Variants in GSE1 observed in about 807,000 individuals in gnomAD.
The protein encoded by GSE1 is genetic suppressor element 1.
In GSE1, 32 loss-of-function variants were observed where a neutral mutation model predicts 112.6. The ratio of observed to expected loss-of-function variants is 0.28; its 90% CI spans 0.21 to 0.38. GSE1 has a LOEUF of 0.38. Ranked by LOEUF, GSE1 falls within the 10% of genes least tolerant of loss-of-function variation. GSE1 has a pLI of 1.00. For missense variants in GSE1, 2,348 were observed against 1,699.2 expected, an observed-to-expected ratio of 1.38 and a Z score of -6.71; for synonymous variants, 1,115 against 735.6, an observed-to-expected ratio of 1.52 and a Z score of -8.35.
intron 1 of GSE1, among the ~76,000 whole-genome samples, chr16:85,326,914 A>G (rs2046238602): frequency 6.6e-6 from 1 of 152,224 alleles, no homozygotes; most frequent in African/African-American, 2.4e-5. Context: ...CCCCAAACTT[A>G]GCAGCATAAA....
chr16:85,301,309 C>G (rs1252780774), intron 1 of GSE1, among the ~76,000 whole-genome samples: 1 of 152,238 alleles, frequency 6.6e-6, no homozygotes, highest in Non-Finnish European at 1.5e-5. Flanking sequence ...GCAGGAGCTG[C>G]CTTCACTGGG....
At chr16:85,307,826 C>T (rs534030514) in intron 1 of GSE1, among the ~76,000 whole-genome samples, 5 of 152,196 alleles carry the variant, frequency 3.3e-5, no homozygotes, top group Non-Finnish European at 5.9e-5. Context: ...AACAAAGACA[C>T]TCTCATCAGG....
chr16:85,356,230 A>T lies in GSE1; in HGVS notation c.2284-1233A>T, dbSNP rs2046948671. Among the ~76,000 whole-genome samples, 4 of 152,206 alleles carry T rather than the reference A, an allele frequency of 2.6e-5. No individual in the cohort carries two copies. The South Asian group carries it at 8.3e-4, about 31-fold the overall frequency. On this transcript the variant is annotated intron_variant, in intron 1 of 2. Transcript: ENST00000637419. ...CAGCATCCCCATCATCGTCGTCGTC[A>T]TGGTAGTTCTTGCTCGCCTCGGGAC...
intron 2 of GSE1, among the ~76,000 whole-genome samples, chr16:85,461,163 G>A: frequency 6.6e-6 from 1 of 152,200 alleles, no homozygotes; most frequent in East Asian, 1.9e-4. Context: ...GCTCACCCTG[G>A]GTTTCTTAAC....
intron 1 of GSE1, among the ~76,000 whole-genome samples, chr16:85,298,238 T>C (rs75789395): frequency 0.094 from 14,352 of 152,080 alleles, 737 homozygotes; most frequent in African/African-American, 0.1. Context: ...CCTCTGAGTC[T>C]GAGAGCCTGG....
At chr16:85,521,867 C>T (rs2052198522) in intron 2 of GSE1, among the ~76,000 whole-genome samples, 1 of 152,240 alleles carries the variant, frequency 6.6e-6, no homozygotes, top group Admixed American at 6.5e-5. Context: ...CCACACGACT[C>T]TTGTAAGATC....
At chr16:85,192,067 C>T (rs571963022) in intron 1 of GSE1, among the ~76,000 whole-genome samples, 8 of 152,328 alleles carry the variant, frequency 5.3e-5, no homozygotes, top group South Asian at 4.1e-4. Flanking sequence ...ACCTAAGTTC[C>T]GCCATCCAGA....
At chr16:85,608,133 A>G (rs1236684602), upstream of GSE1, among the ~76,000 whole-genome samples, 3 of 152,190 alleles carry the variant, frequency 2.0e-5, no homozygotes, top group African/African-American at 7.2e-5. Context: ...GCTTTGAAGA[A>G]TGGGGAGGAT....
chr16:85,539,960 T>C (rs2044464948), intron 2 of GSE1, among the ~76,000 whole-genome samples: 1 of 152,208 alleles, frequency 6.6e-6, no homozygotes, highest in Non-Finnish European at 1.5e-5. Context: ...TCTCTTGTTA[T>C]GATTTCCTCT....
chr16:85,349,917 A>T (rs766074730), intron 1 of GSE1, among the ~76,000 whole-genome samples: 4 of 152,154 alleles, frequency 2.6e-5, no homozygotes, highest in Non-Finnish European at 5.9e-5. Flanking sequence ...GGGGGTGCAG[A>T]ACCAGGCTCT....
intron 2 of GSE1, among the ~76,000 whole-genome samples, chr16:85,519,729 C>T (rs1246931312): frequency 3.9e-5 from 3 of 76,258 alleles, no homozygotes; most frequent in African/African-American, 1.5e-4. Context: ...TCATCACCAT[C>T]ACCATCACCA....
At chr16:85,399,765 G>C (rs527236549) in intron 2 of GSE1, among the ~76,000 whole-genome samples, 1 of 152,238 alleles carries the variant, frequency 6.6e-6, no homozygotes, top group Non-Finnish European at 1.5e-5. Context: ...GCTGAGTTCG[G>C]GGGAAGAATG....
In GSE1 at chr16:85,624,977, AG is replaced by A. The variant is rs542978394; in HGVS notation, c.8-8934del. ...GGGTCTGCTTACGTAAAGGGAAGTA[AG>A]GGTACAGGTAGCCGGCGCCCTGTAA... On this transcript the variant is annotated intron_variant, in intron 1 of 15. Coordinates refer to ENST00000253458, the MANE Select transcript of GSE1 (RefSeq NM_014615.5). Among the ~76,000 whole-genome samples the A allele has an allele frequency of 4.6e-5, 7 of 152,294 alleles. No homozygotes were observed. The South Asian group carries it at 1.5e-3, about 32-fold the overall frequency.
intron 1 of GSE1, chr16:85,556,497 C>G (rs2045220265): frequency 2.1e-5 from 4 of 191,736 alleles, no homozygotes; most frequent in African/African-American, 7.1e-5. Flanking sequence ...CCCGCAGACG[C>G]GCGCGGCCTC....
At chr16:85,613,992 C>T (rs1022214162) in intron 1 of GSE1, among the ~76,000 whole-genome samples, 1 of 151,672 alleles carries the variant, frequency 6.6e-6, no homozygotes, top group Non-Finnish European at 1.5e-5. Context: ...GTTTGTGACC[C>T]CCACGCCCTG....
Position 85,480,651 on chromosome 16 carries a change from G to T in GSE1, c.2464+123008G>T, listed in dbSNP as rs2050644773. Among the ~76,000 whole-genome samples the T allele has an allele frequency of 2.0e-5, 3 of 152,106 alleles. No individual in the cohort carries two copies. The South Asian group carries it at 6.2e-4, about 31-fold the overall frequency. On this transcript the variant is annotated intron_variant, in intron 2 of 2. Transcript: ENST00000637419. ...TTGCCCTCCTGGGAGACAGAGCAGGGACAATCCACCCTGGGTGTTGCCTTC... is the reference window on the plus strand; with the variant it reads ...TTGCCCTCCTGGGAGACAGAGCAGGTACAATCCACCCTGGGTGTTGCCTTC...
chr16:85,556,784 TCTCC>T (rs2045244610), intron 1 of GSE1, among the ~76,000 whole-genome samples: 1 of 80,334 alleles, frequency 1.2e-5, no homozygotes, highest in Admixed American at 1.2e-4. Flanking sequence ...TTTATTTCCC[TCTCC>T]CTCCAGCCAA....
intron 2 of GSE1, among the ~76,000 whole-genome samples, chr16:85,445,357 C>T (rs550208761): frequency 2.7e-4 from 41 of 152,316 alleles, no homozygotes; most frequent in South Asian, 1.2e-3. Context: ...GGAGGCAGAC[C>T]GTGAACATGG....
intron 2 of GSE1, among the ~76,000 whole-genome samples, chr16:85,640,996 A>G (rs1240717576): frequency 1.3e-5 from 2 of 152,212 alleles, no homozygotes; most frequent in Admixed American, 6.5e-5. Context: ...CCTTCTCCGC[A>G]TAGCACAGTG....
Sources: gnomAD v4.1 joint callset for allele counts (sites outside exome capture counted in the v4.1 genomes callset) on GRCh38, gnomAD v4.1.1 for gene constraint, MANE v1.5 for transcripts, NCBI Gene and HGNC (gene_info 2026-07-23, HGNC 2026-07-21) for gene names.